The following FSTL5 variants were observed in gnomAD, a reference collection of about 807,000 sequenced individuals.
The protein encoded by FSTL5 is follistatin-related protein 5.
Under a neutral mutation model 89.1 loss-of-function variants are expected in FSTL5, and 62 were observed. That is an observed-to-expected ratio of 0.70 (90% CI 0.57 to 0.86). The LOEUF (loss-of-function observed/expected upper bound fraction) is 0.86, where lower values mean the gene tolerates loss of function less well. Among genes scored for constraint, FSTL5 ranks in the 40% least tolerant of loss-of-function variants. FSTL5 has a pLI of 0.00. For synonymous variants in FSTL5, 383 were observed against 346.2 expected (o/e 1.11, Z -1.18); for missense variants, 1,057 against 1,001.6 (o/e 1.06, Z -0.75).
At chr4:161,484,131 A>T (rs1729602877) in intron 12 of FSTL5, among the ~76,000 whole-genome samples, 1 of 152,182 alleles carries the variant, frequency 6.6e-6, no homozygotes, top group Non-Finnish European at 1.5e-5. Flanking sequence ...AAACAGAATC[A>T]TATATACACT....
At chr4:161,639,179 C>T (rs1292694102) in intron 7 of FSTL5, among the ~76,000 whole-genome samples, 2 of 151,900 alleles carry the variant, frequency 1.3e-5, no homozygotes, top group African/African-American at 2.4e-5. Context: ...TAAATTTCCT[C>T]TTAGTTCTGA....
chr4:161,779,039 A>G (rs1157909145), intron 4 of FSTL5, among the ~76,000 whole-genome samples: 1 of 152,182 alleles, frequency 6.6e-6, no homozygotes, highest in East Asian at 1.9e-4. Context: ...CATTGGGGAG[A>G]TCTGAATGTT....
At chr4:161,590,144 G>A (rs984915453) in intron 7 of FSTL5, among the ~76,000 whole-genome samples, 9 of 152,040 alleles carry the variant, frequency 5.9e-5, no homozygotes, top group Admixed American at 2.6e-4. Context: ...CATCAAGAAA[G>A]TAAAGAGATA....
rs1732123841 is a variant in FSTL5 at position 161,549,423 on chromosome 4, GT to G, written c.1016-6731del. Among the ~76,000 whole-genome samples, 6 of 151,716 alleles carry G rather than the reference GT, an allele frequency of 4.0e-5. No individual in the cohort carries two copies. The South Asian group carries it at 1.2e-3, about 32-fold the overall frequency. On this transcript the variant is annotated intron_variant, in intron 8 of 15. Transcript: ENST00000306100. ...AATAATAGGCTCTTTGAGAGAAGAG[GT>G]TTTGCCTTATTTAATCATTAAATTC...
chr4:162,064,397 G>C (rs539602528), intron 2 of FSTL5, among the ~76,000 whole-genome samples: 2 of 152,110 alleles, frequency 1.3e-5, no homozygotes, highest in Admixed American at 6.6e-5. Context: ...AACATTTTCT[G>C]TGTGTCTGTG....
intron 3 of FSTL5, among the ~76,000 whole-genome samples, chr4:161,922,930 A>C (rs1001682437): frequency 7.9e-5 from 12 of 151,928 alleles, no homozygotes; most frequent in Non-Finnish European, 1.5e-4. Context: ...GGAGTCCATT[A>C]GTTTGAAGGT....
chr4:161,543,303 T>C (rs62324311), intron 8 of FSTL5, among the ~76,000 whole-genome samples: 23,144 of 151,802 alleles, frequency 0.15, 2,427 homozygotes, highest in East Asian at 0.39. Flanking sequence ...CCGAAGACAC[T>C]TTGTATTCCT....
Position 161,704,182 on chromosome 4 carries a change from A to AAT in FSTL5, c.728-47689_728-47688insAT, listed in dbSNP as rs570908614. On this transcript the variant is annotated intron_variant, in intron 6 of 15. Transcript: ENST00000306100. ...GCGAGGCTAATCAGAAACTCACAAAAGCCACCATTTGTCTCTTATCTTCCT... is the reference window on the plus strand; with the variant it reads ...GCGAGGCTAATCAGAAACTCACAAAAATGCCACCATTTGTCTCTTATCTTCCT... 5.9e-3 allele frequency among the ~76,000 whole-genome samples: 904 copies of AAT among 152,186 alleles called. 13 individuals are homozygous for AAT. Among genetic ancestry groups the AAT allele is most frequent in the South Asian group, 0.047 (227 of 4,824 alleles).
At chr4:161,769,745 C>T (rs559679446) in intron 5 of FSTL5, among the ~76,000 whole-genome samples, 1 of 151,886 alleles carries the variant, frequency 6.6e-6, no homozygotes, top group Non-Finnish European at 1.5e-5. Context: ...TCTCTAAGAT[C>T]TAGAACATGA....
At chr4:161,838,627 A>G (rs1731121647) in intron 4 of FSTL5, among the ~76,000 whole-genome samples, 1 of 152,168 alleles carries the variant, frequency 6.6e-6, no homozygotes, top group Non-Finnish European at 1.5e-5. Flanking sequence ...ATAAGAAAAG[A>G]GGATCAAAGG....
At chr4:161,982,745 A>G (rs2111052974) in intron 3 of FSTL5, among the ~76,000 whole-genome samples, 1 of 152,350 alleles carries the variant, frequency 6.6e-6, no homozygotes, top group East Asian at 1.9e-4. Context: ...ATAATAAATT[A>G]AGAAAAGTTA....
intron 4 of FSTL5, among the ~76,000 whole-genome samples, chr4:161,796,369 C>T (rs1298104829): frequency 6.6e-6 from 1 of 151,092 alleles, no homozygotes; most frequent in Non-Finnish European, 1.5e-5. Flanking sequence ...CAGTGGTTGA[C>T]TACAGTTTGA....
At chr4:162,059,181 T>C (rs1371080607) in intron 2 of FSTL5, among the ~76,000 whole-genome samples, 1 of 152,204 alleles carries the variant, frequency 6.6e-6, no homozygotes. Flanking sequence ...CCTAAAATTA[T>C]GTGATATTTC....
chr4:161,815,098 T>C (rs921366092), intron 4 of FSTL5, among the ~76,000 whole-genome samples: 2 of 152,076 alleles, frequency 1.3e-5, no homozygotes, highest in African/African-American at 2.4e-5. Context: ...ATCTAATAGC[T>C]TATATTTTAA....
At chr4:161,580,794 T>C (rs917353115) in intron 8 of FSTL5, among the ~76,000 whole-genome samples, 24 of 152,192 alleles carry the variant, frequency 1.6e-4, no homozygotes, top group African/African-American at 5.1e-4. Context: ...GGTTTTGCCA[T>C]TAAAAGTAAG....
At chr4:161,669,711 T>C (rs993373936) in intron 6 of FSTL5, among the ~76,000 whole-genome samples, 1 of 152,044 alleles carries the variant, frequency 6.6e-6, no homozygotes, top group African/African-American at 2.4e-5. Context: ...TGGAGAAAAC[T>C]AAATGACCTC....
At chr4:161,853,760 C>T (rs757398118) in intron 4 of FSTL5, among the ~76,000 whole-genome samples, 1 of 152,102 alleles carries the variant, frequency 6.6e-6, no homozygotes, top group Non-Finnish European at 1.5e-5. Context: ...CAGAAAAATA[C>T]AGTACAACTG....
At chr4:161,428,481 A>G (rs1732240827) in intron 15 of FSTL5, among the ~76,000 whole-genome samples, 1 of 152,210 alleles carries the variant, frequency 6.6e-6, no homozygotes, top group Non-Finnish European at 1.5e-5. Flanking sequence ...AATTAAGGTG[A>G]GGAGAAAGAA....
chr4:161,514,891 A>T (rs1057344650), intron 10 of FSTL5, among the ~76,000 whole-genome samples: 10 of 152,172 alleles, frequency 6.6e-5, no homozygotes, highest in African/African-American at 2.2e-4. Flanking sequence ...TAAGATGCAA[A>T]ATAAAATTTT....
Sources: gnomAD v4.1 joint callset for allele counts (sites outside exome capture counted in the v4.1 genomes callset) on GRCh38, gnomAD v4.1.1 for gene constraint, MANE v1.5 for transcripts, NCBI Gene and HGNC (gene_info 2026-07-23, HGNC 2026-07-21) for gene names.